DHTKD1: variants seen among roughly 807,000 people sequenced by gnomAD.
The protein encoded by DHTKD1 is 2-oxoadipate dehydrogenase complex component E1.
DHTKD1 carries 78 observed loss-of-function variants against 101.8 expected under a neutral mutation model. The observed-to-expected ratio is 0.77, with a 90% CI of 0.64 to 0.93. DHTKD1 has a LOEUF of 0.93. Ranked by LOEUF, DHTKD1 falls within the 40% of genes least tolerant of loss-of-function variation. DHTKD1 has a pLI of 0.00. For missense variants in DHTKD1, 1,223 were observed against 1,161.7 expected (o/e 1.05, Z -0.77); for synonymous variants, 462 against 450.3 (o/e 1.03, Z -0.33).
chr10:12,117,937 T>A (rs1833446801), intron 14 of DHTKD1, among the ~76,000 whole-genome samples, 182 bp downstream of exon 14: 2 of 151,984 alleles, frequency 1.3e-5, no homozygotes, highest in African/African-American at 2.4e-5. Flanking sequence ...TTGCCCAGGC[T>A]GGAGGGCAGT....
intron 15 of DHTKD1, among the ~76,000 whole-genome samples, chr10:12,119,533 G>GGGAACC (rs1833486837): frequency 6.8e-6 from 1 of 146,124 alleles, no homozygotes; most frequent in Non-Finnish European, 1.5e-5. Context: ...GGAGAATGGC[G>GGGAACC]TGAACCCGGG....
chr10:12,118,413 T>C (rs9423862), intron 14 of DHTKD1, among the ~76,000 whole-genome samples: 1,663 of 149,500 alleles, frequency 0.011, 33 homozygotes, highest in African/African-American at 0.038. Flanking sequence ...GGTTGAGTCT[T>C]GCTCTGTCGC....
intron 8 of DHTKD1, among the ~76,000 whole-genome samples, chr10:12,098,899 G>A (rs1044799504): frequency 2.0e-5 from 3 of 152,160 alleles, no homozygotes; most frequent in African/African-American, 4.8e-5. Flanking sequence ...GGCCAGGCAC[G>A]GTGGCTCCTA....
intron 1 of DHTKD1, among the ~76,000 whole-genome samples, chr10:12,079,356 G>A (rs1201717736): frequency 6.6e-6 from 1 of 152,164 alleles, no homozygotes; most frequent in East Asian, 1.9e-4. Context: ...TAGAGCCCAG[G>A]GAAGAATATG....
At chr10:12,119,361 G>GT (rs1833478269) in intron 15 of DHTKD1, among the ~76,000 whole-genome samples, 1 of 148,670 alleles carries the variant, frequency 6.7e-6, no homozygotes, top group African/African-American at 2.5e-5. Flanking sequence ...CACGCCTGTA[G>GT]TCCCAGCACT....
chr10:12,115,011 G>T (rs1487142521), intron 13 of DHTKD1, among the ~76,000 whole-genome samples: 2 of 151,776 alleles, frequency 1.3e-5, no homozygotes, highest in African/African-American at 4.8e-5. Context: ...TAGCCAGGAT[G>T]GTCTCGATCT....
rs1588604063 is a variant in DHTKD1 at position 12,081,462 on chromosome 10, C to T, written c.155-10C>T. 1.2e-6 allele frequency: 2 copies of T among 1,613,334 alleles called. No homozygotes were observed. The highest frequency in any genetic ancestry group is 1.7e-6 in the Non-Finnish European group (2 of 1,179,524). ...AACTGTTTGCATTTTTAAATTTTCCCCTGATTTAGTTGATCATGGCCTTGC... is the reference window on the plus strand; with the variant it reads ...AACTGTTTGCATTTTTAAATTTTCCTCTGATTTAGTTGATCATGGCCTTGC... On this transcript the variant is annotated splice_polypyrimidine_tract_variant and intron_variant, in intron 1 of 16. Coordinates refer to ENST00000263035, the MANE Select transcript of DHTKD1 (RefSeq NM_018706.7).
intron 1 of DHTKD1, among the ~76,000 whole-genome samples, chr10:12,069,948 G>C (rs538995479): frequency 4.3e-4 from 65 of 152,008 alleles, no homozygotes; most frequent in Admixed American, 1.2e-3. Context: ...GTGAGCAGGT[G>C]GGGGGGTCCA....
chr10:12,101,118 G>A lies in DHTKD1; in HGVS notation c.1833G>A (p.Gln611=), dbSNP rs775110497. 7 of 1,613,982 alleles carry A rather than the reference G, an allele frequency of 4.3e-6. No individual in the cohort carries two copies. In the South Asian group the frequency reaches 6.6e-5, roughly 15 times the overall value. ...AGAGGCATGCAATCGTGGTTTGCCA[G>A]GAGACGGATGACACCTACATCCCCC... ...FSQRHAIVVC[Q]ETDDTYIPLN... The change falls in exon 10 of 17, where the codon CAG becomes CAA. Residue 611 remains glutamine, a synonymous_variant. Coordinates refer to ENST00000263035, the MANE Select transcript of DHTKD1 (RefSeq NM_018706.7).
intron 2 of DHTKD1, among the ~76,000 whole-genome samples, chr10:12,083,237 T>C (rs1199831569): frequency 6.6e-6 from 1 of 151,984 alleles, no homozygotes; most frequent in Non-Finnish European, 1.5e-5. Flanking sequence ...AGAATTGTCT[T>C]GGGCCATACA....
chr10:12,085,810 C>T (rs775424881), intron 3 of DHTKD1, among the ~76,000 whole-genome samples: 3 of 151,776 alleles, frequency 2.0e-5, no homozygotes, highest in Non-Finnish European at 2.9e-5. Context: ...TCTCTTGAAC[C>T]CAGGAGGCGG....
At chr10:12,083,025 C>T (rs1161574719) in intron 2 of DHTKD1, among the ~76,000 whole-genome samples, 5 of 151,996 alleles carry the variant, frequency 3.3e-5, no homozygotes, top group East Asian at 3.9e-4. Flanking sequence ...CCTGTAGTCC[C>T]AGCTACTCGG....
rs1051274103 is a variant in DHTKD1, at chr10:12,110,697, G to A, written c.2155-2203G>A. On this transcript the variant is annotated intron_variant, in intron 12 of 16. Coordinates refer to ENST00000263035, the MANE Select transcript of DHTKD1 (RefSeq NM_018706.7). The surrounding 1 kb of genome is among the most constrained non-coding windows in gnomAD (Gnocchi z 4.9). ...TTAGTAATTTTCAGGTATATAATAC[G>A]TTAACTACAGTTACCATCCTGTACA... 1.3e-5 allele frequency among the ~76,000 whole-genome samples: 2 copies of A among 151,954 alleles called. No individual in the cohort carries two copies. Among genetic ancestry groups the A allele is most frequent in the African/African-American group, 2.4e-5 (1 of 41,368 alleles).
At chr10:12,119,414 G>C (rs918738823) in intron 15 of DHTKD1, among the ~76,000 whole-genome samples, 18 of 151,116 alleles carry the variant, frequency 1.2e-4, no homozygotes, top group Non-Finnish European at 2.1e-4. Context: ...AGGAGATCAA[G>C]ACCATCCTGG....
chr10:12,117,666 C>G lies in DHTKD1; in HGVS notation c.2320-7C>G. The G allele has an allele frequency of 6.4e-7, 1 of 1,574,632 alleles. No individual in the cohort carries two copies. Among genetic ancestry groups the G allele is most frequent in the Non-Finnish European group, 8.7e-7 (1 of 1,150,920 alleles). ...TTGCTGGATGTGTGGCCTCTTCTCC[C>G]TCGTAGGCAGCCGTGTCAACTCTTC... On this transcript the variant is annotated splice_polypyrimidine_tract_variant and splice_region_variant and intron_variant, in intron 13 of 16. Transcript: ENST00000263035.
Position 12,089,033 on chromosome 10 carries a change from C to T in DHTKD1, c.765C>T (p.Phe255=), listed in dbSNP as rs771829043. 2.5e-6 allele frequency: 4 copies of T among 1,613,952 alleles called. No individual in the cohort carries two copies. Among genetic ancestry groups the T allele is most frequent in the Middle Eastern group, 1.6e-4 (1 of 6,062 alleles). ...MRGLSEFPEN[F]SATGDVLSHL... is the part of the protein sequence containing the mutation. The stretch of plus-strand genomic sequence containing the variant: ...GCTTAAGTGAATTTCCAGAGAATTT[C>T]TCAGCCACTGGAGACGTCCTGTCTC... Residue 255 remains phenylalanine (F), a synonymous_variant, in exon 5 of 17, where the codon TTC becomes TTT. Transcript: ENST00000263035.
chr10:12,106,218 A>G lies in DHTKD1; in HGVS notation c.1897-28A>G, dbSNP rs368922327. ...GTGCTCTGCCGTGGCCCTCACATGC[A>G]GCGTTTCCTTCTCTTCTCTGGGATT... On this transcript the variant is annotated intron_variant, in intron 10 of 16. Coordinates refer to ENST00000263035, the MANE Select transcript of DHTKD1 (RefSeq NM_018706.7). 3.7e-6 allele frequency: 6 copies of G among 1,613,554 alleles called. No homozygotes were observed. The African/African-American group carries it at 8.0e-5, about 22-fold the overall frequency.
At position 12,113,026 on chromosome 10, in the gene DHTKD1, C is replaced by G; in HGVS notation, c.2281C>G (p.Leu761Val). The change falls in exon 13 of 17, where the codon CTC (leucine) becomes GTC (valine). Residue 761 changes from leucine (L) to valine (V), a missense_variant. Leu to Val is a conservative substitution (Grantham distance 32, BLOSUM62 1). Transcript: ENST00000263035. ...RQMVRNFRKPLIVASPKMLLR... is the reference protein window; with the variant it reads ...RQMVRNFRKPVIVASPKMLLR... ...GATGGTCCGGAACTTCAGAAAACCA[C>G]TCATTGTTGCTTCCCCTAAGATGTT... 2 of 1,613,478 alleles carry G rather than the reference C, an allele frequency of 1.2e-6. No homozygotes were observed. The highest frequency in any genetic ancestry group is 2.2e-5 in the East Asian group (1 of 44,788).
In DHTKD1 at chr10:12,107,389, G is replaced by A. The variant is rs982030397; in HGVS notation, c.2048-520G>A. Reference sequence around the variant, plus strand: ...TCCCCTTTGAGTTTGTCTTCCACTCGTAAAAGCCCAGGGCCTGTGCCGTGA... The same window carrying A: ...TCCCCTTTGAGTTTGTCTTCCACTCATAAAAGCCCAGGGCCTGTGCCGTGA... On this transcript the variant is annotated intron_variant, in intron 11 of 16. Transcript: ENST00000263035. This position sits in a 1 kb window ranked among gnomAD's most constrained non-coding sequence, Gnocchi z 4.1. Among the ~76,000 whole-genome samples the A allele has an allele frequency of 2.6e-5, 4 of 151,942 alleles. No individual in the cohort carries two copies. The highest frequency in any genetic ancestry group is 2.0e-4 in the Admixed American group (3 of 15,214).
Sources: allele counts gnomAD v4.1 joint callset (sites outside exome capture counted in the v4.1 genomes callset), GRCh38; gene constraint gnomAD v4.1.1; non-coding constraint Gnocchi (gnomAD v3.1); transcripts MANE v1.5; gene names NCBI Gene and HGNC (gene_info 2026-07-23, HGNC 2026-07-21).